RBMS3: variants seen among roughly 807,000 people sequenced by gnomAD.
RBMS3 encodes RNA-binding motif, single-stranded-interacting protein 3.
Under a neutral mutation model 66.8 loss-of-function variants are expected in RBMS3, and 27 were observed. That is an observed-to-expected ratio of 0.40 (90% CI 0.30 to 0.56). The LOEUF (loss-of-function observed/expected upper bound fraction) is 0.56, where lower values mean the gene tolerates loss of function less well. RBMS3 is among the 20% of genes least tolerant of loss of function. The pLI is 0.40. For missense variants in RBMS3, 513 were observed against 549.5 expected (o/e 0.93, Z 0.66); for synonymous variants, 188 against 183.0 (o/e 1.03, Z -0.22).
intron 1 of RBMS3, chr3:29,290,635 ATT>A (rs1214728476): frequency 6.6e-6 from 1 of 151,826 alleles, no homozygotes; most frequent in Non-Finnish European, 1.5e-5. Flanking sequence ...TTCTCAATGT[ATT>A]TCAAAAAAAT....
chr3:29,476,583 A>G (rs1264610798), intron 2 of RBMS3, among the ~76,000 whole-genome samples: 2 of 152,216 alleles, frequency 1.3e-5, no homozygotes, highest in Non-Finnish European at 2.9e-5. Context: ...CCTAGCATGC[A>G]TCTCAAAATT....
At chr3:29,750,278 G>A (rs780656639) in intron 5 of RBMS3, among the ~76,000 whole-genome samples, 2 of 152,056 alleles carry the variant, frequency 1.3e-5, no homozygotes, top group Non-Finnish European at 2.9e-5. Context: ...TCTTTTCCAC[G>A]AATTTTTTGA....
chr3:29,622,904 C>G (rs928870925), intron 4 of RBMS3, among the ~76,000 whole-genome samples: 1 of 152,112 alleles, frequency 6.6e-6, no homozygotes, highest in African/African-American at 2.4e-5. Context: ...ATCACGAGGT[C>G]AGGAGATGGA....
intron 12 of RBMS3, among the ~76,000 whole-genome samples, chr3:29,955,744 T>A (rs565737452): frequency 3.9e-5 from 6 of 152,078 alleles, no homozygotes; most frequent in Non-Finnish European, 8.8e-5. Context: ...ACATCTGTCT[T>A]CCTTCCATAT....
chr3:29,758,532 CCCTCAAAAT>C (rs1207785939), intron 5 of RBMS3, among the ~76,000 whole-genome samples: 1 of 152,114 alleles, frequency 6.6e-6, no homozygotes, highest in Non-Finnish European at 1.5e-5. Context: ...GAGCAAGATA[CCCTCAAAAT>C]TTCTGGTTTC....
At chr3:29,855,111 T>C (rs1286064252) in intron 6 of RBMS3, among the ~76,000 whole-genome samples, 2 of 152,208 alleles carry the variant, frequency 1.3e-5, no homozygotes, top group Non-Finnish European at 2.9e-5. Context: ...CAATCTTTTA[T>C]TCATTCAACA....
chr3:29,573,617 C>T (rs919346555), intron 3 of RBMS3, among the ~76,000 whole-genome samples: 1 of 152,096 alleles, frequency 6.6e-6, no homozygotes, highest in African/African-American at 2.4e-5. Context: ...GCGTTTAAAT[C>T]ATACTTGCAT....
intron 3 of RBMS3, among the ~76,000 whole-genome samples, chr3:29,527,189 A>T (rs890886750): frequency 0.013 from 1,872 of 144,636 alleles, 114 homozygotes; most frequent in African/African-American, 0.039. Context: ...AGTAAAAAAA[A>T]AAAAAAAAAA....
chr3:29,388,159 C>T (rs1482509403), intron 1 of RBMS3, among the ~76,000 whole-genome samples: 6 of 152,092 alleles, frequency 3.9e-5, no homozygotes, highest in African/African-American at 1.4e-4. Context: ...ATGTGTATCA[C>T]CACTCCCTTT....
intron 5 of RBMS3, among the ~76,000 whole-genome samples, chr3:29,759,797 C>A (rs2055585080): frequency 2.0e-5 from 3 of 152,056 alleles, no homozygotes; most frequent in Non-Finnish European, 4.4e-5. Flanking sequence ...GCCTTTTCCC[C>A]TTGGCAGCTC....
intron 4 of RBMS3, among the ~76,000 whole-genome samples, chr3:29,653,490 G>T (rs2050212506): frequency 6.6e-6 from 1 of 152,206 alleles, no homozygotes; most frequent in African/African-American, 2.4e-5. Context: ...ACTGCCTAAG[G>T]CTAGACACGC....
At chr3:29,756,277 G>A (rs569956434) in intron 5 of RBMS3, among the ~76,000 whole-genome samples, 5 of 152,284 alleles carry the variant, frequency 3.3e-5, no homozygotes, top group Non-Finnish European at 5.9e-5. Context: ...CTTCACAGGT[G>A]TAAGGGCTCA....
intron 1 of RBMS3, 25 bp downstream of exon 1, chr3:29,281,781 G>T (rs149766234): frequency 1.9e-6 from 3 of 1,582,164 alleles, no homozygotes; most frequent in South Asian, 2.2e-5. Flanking sequence ...ACGGTCTGGC[G>T]ATCAGCGTGG....
chr3:29,647,375 G>A (rs1002965960), intron 4 of RBMS3, among the ~76,000 whole-genome samples: 5 of 152,118 alleles, frequency 3.3e-5, no homozygotes, highest in Non-Finnish European at 5.9e-5. Context: ...ACTGCTGCCT[G>A]TTGTCTTTAA....
At chr3:29,785,021 G>C (rs987351658) in intron 6 of RBMS3, among the ~76,000 whole-genome samples, 1 of 151,754 alleles carries the variant, frequency 6.6e-6, no homozygotes, top group Non-Finnish European at 1.5e-5. Flanking sequence ...AGATTGAAAT[G>C]GTAATTTTAA....
chr3:29,936,501 AG>A (rs1429459181), intron 11 of RBMS3, among the ~76,000 whole-genome samples: 1 of 152,086 alleles, frequency 6.6e-6, no homozygotes, highest in Non-Finnish European at 1.5e-5. Context: ...CTGCAAATCT[AG>A]ACCCTTTGAC....
At chr3:29,444,049 A>C (rs933618695) in intron 2 of RBMS3, among the ~76,000 whole-genome samples, 1 of 152,148 alleles carries the variant, frequency 6.6e-6, no homozygotes, top group African/African-American at 2.4e-5. Context: ...TGTATTATAC[A>C]TCTAAAATGA....
At chr3:29,983,894 G>T (rs187156044) in intron 12 of RBMS3, among the ~76,000 whole-genome samples, 4 of 152,130 alleles carry the variant, frequency 2.6e-5, no homozygotes, top group Admixed American at 2.6e-4. Flanking sequence ...GTGTCTTGGG[G>T]TTGCTCTTCT....
At chr3:29,450,819 A>G (rs770247380) in intron 2 of RBMS3, among the ~76,000 whole-genome samples, 10 of 151,994 alleles carry the variant, frequency 6.6e-5, no homozygotes, top group Non-Finnish European at 1.3e-4. Context: ...AGTGAGGCAG[A>G]TTTGAAATCT....
Sources: allele counts gnomAD v4.1 joint callset (sites outside exome capture counted in the v4.1 genomes callset), GRCh38; gene constraint gnomAD v4.1.1; transcripts MANE v1.5; gene names NCBI Gene and HGNC (gene_info 2026-07-23, HGNC 2026-07-21).